The following PCDHGA4 variants were observed in gnomAD, a reference collection of about 807,000 sequenced individuals.
The protein encoded by PCDHGA4 is protocadherin gamma-A4.
PCDHGA4 carries 38 observed loss-of-function variants against 54.6 expected under a neutral mutation model. The ratio of observed to expected loss-of-function variants is 0.70; its 90% CI spans 0.54 to 0.91. PCDHGA4 has a LOEUF of 0.91. Ranked by LOEUF, PCDHGA4 falls within the 40% of genes least tolerant of loss-of-function variation. PCDHGA4 has a pLI of 0.00. For missense variants in PCDHGA4, 1,298 were observed against 1,220.9 expected, an observed-to-expected ratio of 1.06 and a Z score of -0.94; for synonymous variants, 511 against 512.9, an observed-to-expected ratio of 1.00 and a Z score of 0.05.
chr5:141,379,652 T>C (rs905079980), intron 1 of PCDHGA4: 2 of 152,132 alleles, frequency 1.3e-5, no homozygotes, highest in Non-Finnish European at 2.9e-5. Flanking sequence ...ACTACCAACT[T>C]CTACTCTCAC....
chr5:141,404,758 T>C, intron 1 of PCDHGA4: 1 of 1,613,742 alleles, frequency 6.2e-7, no homozygotes, highest in Non-Finnish European at 8.5e-7. Flanking sequence ...GCCAGAATGC[T>C]TGGCTCTCCT....
intron 1 of PCDHGA4, chr5:141,394,971 C>T: frequency 6.2e-7 from 1 of 1,613,938 alleles, no homozygotes. Context: ...GAGGCGCTGG[C>T]ACAAGTCACG....
Position 141,361,312 on chromosome 5 carries a change from A to G in PCDHGA4, c.2514+3691A>G, listed in dbSNP as rs1761969172. ...CCAAGTGTTGGGAAATGCCAAGTTTATTTTGAAATCTTCCTCAAAGAACTA... is the reference window on the plus strand; with the variant it reads ...CCAAGTGTTGGGAAATGCCAAGTTTGTTTTGAAATCTTCCTCAAAGAACTA... On this transcript the variant is annotated intron_variant, in intron 1 of 3. Coordinates refer to ENST00000571252, the MANE Select transcript of PCDHGA4 (RefSeq NM_018917.4). 5.0e-6 allele frequency: 8 copies of G among 1,613,984 alleles called. No individual in the cohort carries two copies. In the South Asian group the frequency reaches 7.7e-5, roughly 16 times the overall value.
At chr5:141,370,900 A>G (rs1561548541) in intron 1 of PCDHGA4, 1 of 1,613,950 alleles carries the variant, frequency 6.2e-7, no homozygotes, top group African/African-American at 1.3e-5. Flanking sequence ...TCGCTGCAGC[A>G]GTACTACCTC....
intron 1 of PCDHGA4, among the ~76,000 whole-genome samples, chr5:141,444,771 T>C (rs987549188): frequency 6.6e-6 from 1 of 152,246 alleles, no homozygotes; most frequent in African/African-American, 2.4e-5. Context: ...TTCTATATTC[T>C]TGATCATGTT....
chr5:141,390,214 T>G, intron 1 of PCDHGA4: 1 of 1,614,064 alleles, frequency 6.2e-7, no homozygotes, highest in Non-Finnish European at 8.5e-7. Flanking sequence ...GGACAAGACA[T>G]ACTTTGCGGT....
chr5:141,377,575 G>C (rs2150112851), intron 1 of PCDHGA4: 1 of 150,404 alleles, frequency 6.6e-6, no homozygotes, highest in African/African-American at 2.4e-5. Context: ...TAGCCTGGGA[G>C]ACAGAATGAG....
intron 3 of PCDHGA4, chr5:141,507,291 T>A (rs956764262): frequency 3.4e-5 from 5 of 147,704 alleles, no homozygotes; most frequent in African/African-American, 5.1e-5. Flanking sequence ...CAGTCTCAAA[T>A]GTTGCATGAG....
chr5:141,384,717 C>T (rs575459465), intron 1 of PCDHGA4: 3 of 1,614,166 alleles, frequency 1.9e-6, no homozygotes, highest in African/African-American at 2.7e-5. Flanking sequence ...GGCTGTCATA[C>T]CTCCTGCTTA....
intron 1 of PCDHGA4, chr5:141,419,895 C>G (rs1209315374): frequency 6.2e-7 from 1 of 1,613,916 alleles, no homozygotes; most frequent in Non-Finnish European, 8.5e-7. Context: ...AGCGACCATC[C>G]CACACCCTCT....
chr5:141,384,651 C>T (rs138410124), intron 1 of PCDHGA4: 42,093 of 1,614,188 alleles, frequency 0.026, 638 homozygotes, highest in Non-Finnish European at 0.031. Context: ...CCGCAGAGCC[C>T]GGCTACCTGG....
intron 1 of PCDHGA4, among the ~76,000 whole-genome samples, chr5:141,472,969 A>G: frequency 6.8e-6 from 1 of 147,990 alleles, no homozygotes; most frequent in Non-Finnish European, 1.5e-5. Flanking sequence ...CTGGGGAACA[A>G]GAGTGAAACT....
intron 1 of PCDHGA4, among the ~76,000 whole-genome samples, chr5:141,466,994 T>C (rs944607423): frequency 6.6e-6 from 1 of 152,176 alleles, no homozygotes; most frequent in African/African-American, 2.4e-5. Flanking sequence ...CTTTTGGCAT[T>C]TTTTTGCAAT....
Position 141,376,600 on chromosome 5 carries a change from G to C in PCDHGA4, c.2514+18979G>C, listed in dbSNP as rs1772879011. ...CTCATCAGCTAGATCGGCTGTTATAGAAGCGAACCTCTTTTGGTACAGGAA... is the reference window on the plus strand; with the variant it reads ...CTCATCAGCTAGATCGGCTGTTATACAAGCGAACCTCTTTTGGTACAGGAA... On this transcript the variant is annotated intron_variant, in intron 1 of 3. Transcript: ENST00000571252. The C allele has an allele frequency of 2.6e-6, 4 of 1,518,830 alleles. No homozygotes were observed. The African/African-American group carries it at 4.2e-5, about 16-fold the overall frequency. The allele number at this position is 1,518,830 out of a possible 1,614,324, so 94.1% of individuals were successfully genotyped here.
intron 1 of PCDHGA4, among the ~76,000 whole-genome samples, chr5:141,434,571 T>C (rs2154556263): frequency 6.6e-6 from 1 of 152,374 alleles, no homozygotes; most frequent in South Asian, 2.1e-4. Flanking sequence ...GACATGCCCC[T>C]GCTGCAGATA....
rs537985555 is a variant in PCDHGA4 at position 141,449,278 on chromosome 5, C to A, written c.2515-45529C>A. On this transcript the variant is annotated intron_variant, in intron 1 of 3. Coordinates refer to ENST00000571252, the MANE Select transcript of PCDHGA4 (RefSeq NM_018917.4). ...TGTACAAAGAACTGTATCTCCTTCA[C>A]CCGGATGCACCGGGTGAATTATATG... Among the ~76,000 whole-genome samples the A allele has an allele frequency of 4.6e-5, 7 of 152,166 alleles. No homozygotes were observed. In the South Asian group the frequency reaches 1.5e-3, roughly 32 times the overall value.
intron 1 of PCDHGA4, chr5:141,399,804 G>A (rs1191609127): frequency 2.5e-6 from 4 of 1,613,224 alleles, no homozygotes; most frequent in East Asian, 2.2e-5. Flanking sequence ...CGCGGGTGCT[G>A]TACCCCGCGC....
At chr5:141,426,407 C>T (rs974898367) in intron 1 of PCDHGA4, 5 of 257,632 alleles carry the variant, frequency 1.9e-5, no homozygotes, top group African/African-American at 6.6e-5. Context: ...CCAGAAGAAA[C>T]GGTCCAGGGC....
chr5:141,374,534 C>G lies in PCDHGA4; in HGVS notation c.2514+16913C>G, dbSNP rs868822562. The G allele has an allele frequency of 3.7e-6, 6 of 1,613,096 alleles. No homozygotes were observed. Among genetic ancestry groups the G allele is most frequent in the Admixed American group, 3.3e-5 (2 of 60,024 alleles). On this transcript the variant is annotated intron_variant, in intron 1 of 3. Transcript: ENST00000571252. ...TCTCGAAAACGCAGCTCCATCCTCT[C>G]GTTTTCCACTAATGGAGGTCTATGA...
Sources: gnomAD v4.1 joint callset for allele counts (sites outside exome capture counted in the v4.1 genomes callset) on GRCh38, gnomAD v4.1.1 for gene constraint, MANE v1.5 for transcripts, NCBI Gene and HGNC (gene_info 2026-07-23, HGNC 2026-07-21) for gene names.